STX12: variants seen among roughly 807,000 people sequenced by gnomAD.
The protein encoded by STX12 is syntaxin 12, also known as syntaxin-12.
STX12 carries 17 observed loss-of-function variants against 42.2 expected under a neutral mutation model. That is an observed-to-expected ratio of 0.40 (90% confidence interval 0.28 to 0.60). The LOEUF (loss-of-function observed/expected upper bound fraction) is 0.60. STX12 is among the 20% of genes least tolerant of loss of function. The probability of loss-of-function intolerance (pLI) is 0.39; values close to 1 mark genes in which losing one functional copy is unlikely to be tolerated. For missense variants in STX12, 297 were observed against 330.9 expected (o/e 0.90, Z 0.79); for synonymous variants, 108 against 116.7 (o/e 0.93, Z 0.48).
chr1:27,786,853 T>C (rs1015865372), intron 1 of STX12, among the ~76,000 whole-genome samples: 1 of 152,242 alleles, frequency 6.6e-6, no homozygotes, highest in Admixed American at 6.5e-5. Flanking sequence ...TTTTTATGGC[T>C]GTCCAGTTAA....
chr1:27,774,190 A>C (rs1320321428), intron 1 of STX12: 2 of 152,232 alleles, frequency 1.3e-5, no homozygotes, highest in Non-Finnish European at 2.9e-5. Context: ...AGCCACAACC[A>C]CATAGCAAGT....
At chr1:27,819,947 T>C (rs1262550859) in intron 8 of STX12, 5 of 472,840 alleles carry the variant, frequency 1.1e-5, no homozygotes, top group Non-Finnish European at 2.0e-5. Flanking sequence ...AGAAGGCTAG[T>C]AACTGCAAAG....
intron 1 of STX12, 112 bp from the exon 2 acceptor site, chr1:27,789,450 G>T: frequency 1.5e-6 from 1 of 680,288 alleles, no homozygotes; most frequent in South Asian, 1.9e-5. Context: ...TCTATTAGTT[G>T]CATGTATTAA....
intron 3 of STX12, among the ~76,000 whole-genome samples, chr1:27,795,344 C>CTGGA (rs1244810271): frequency 6.6e-6 from 1 of 151,216 alleles, no homozygotes; most frequent in Admixed American, 6.6e-5. Context: ...CTTGCTCTGT[C>CTGGA]GCCCAGGCTG....
rs927726650 is a variant in STX12 at position 27,810,399 on chromosome 1, C to T, written c.470+110C>T. The T allele has an allele frequency of 6.3e-6, 6 of 954,446 alleles. No homozygotes were observed. In the African/African-American group the frequency reaches 6.6e-5, roughly 10 times the overall value. The allele number at this position is 954,446 out of a possible 1,614,324, so 59.1% of individuals were successfully genotyped here. On this transcript the variant is annotated intron_variant, in intron 5 of 8. Coordinates refer to ENST00000373943, the MANE Select transcript of STX12 (RefSeq NM_177424.3). ...AATAGAGGGCAAAAATAAGGGGGCA[C>T]CTGGAGTGGATAACATAATCCACAG...
At chr1:27,811,449 T>G (rs960509052) in intron 5 of STX12, among the ~76,000 whole-genome samples, 15 of 151,820 alleles carry the variant, frequency 9.9e-5, no homozygotes, top group Non-Finnish European at 2.2e-4. Flanking sequence ...CTAAAAAGAA[T>G]TTTTTAAAAA....
rs568805494 is a variant in STX12, at chr1:27,801,398, C to T, written c.289-280C>T. 3.3e-4 allele frequency among the ~76,000 whole-genome samples: 49 copies of T among 150,252 alleles called. No homozygotes were observed. In the South Asian group the frequency reaches 8.4e-3, roughly 26 times the overall value. On this transcript the variant is annotated intron_variant, in intron 3 of 8. Coordinates refer to ENST00000373943, the MANE Select transcript of STX12 (RefSeq NM_177424.3). ...CAGCCTGGGCGACAGAGCAAGACTC[C>T]GTCTCAATAAAAAGAAAAAAAAAAA... is the stretch of plus-strand genomic sequence containing the variant.
intron 4 of STX12, among the ~76,000 whole-genome samples, chr1:27,808,514 G>A (rs1363364787): frequency 6.6e-6 from 1 of 151,712 alleles, no homozygotes; most frequent in African/African-American, 2.4e-5. Context: ...GCTAATTTTT[G>A]TATTTTAGTA....
chr1:27,795,306 C>CTT (rs971574690), intron 3 of STX12, among the ~76,000 whole-genome samples: 1 of 142,782 alleles, frequency 7.0e-6, no homozygotes. Context: ...ATGTCAAATT[C>CTT]TTTTTTTTTT....
chr1:27,805,069 A>G (rs569671814), intron 4 of STX12, among the ~76,000 whole-genome samples: 31 of 152,212 alleles, frequency 2.0e-4, no homozygotes, highest in Admixed American at 8.5e-4. Context: ...CACGAGAACA[A>G]CAAGGGGAAA....
rs1343131134 is a variant in STX12 at position 27,822,869 on chromosome 1, T to C, written c.*540T>C. 6.5e-6 allele frequency: 1 copy of C among 152,854 alleles called. No individual in the cohort carries two copies. Among genetic ancestry groups the C allele is most frequent in the Non-Finnish European group, 1.5e-5 (1 of 68,492 alleles). 9.5% of individuals were successfully genotyped at this position (152,854 alleles called of 1,614,324 possible). Reference sequence around the variant, plus strand: ...TATATTTAATTGGAAGGTAAAATATTGTACATGTGATCCAGAGTAAATGAG... The same window carrying C: ...TATATTTAATTGGAAGGTAAAATATCGTACATGTGATCCAGAGTAAATGAG... On this transcript the variant is annotated 3_prime_UTR_variant, in exon 9 of 9. Transcript: ENST00000373943.
At chr1:27,778,699 GAA>G (rs374294160) in intron 1 of STX12, among the ~76,000 whole-genome samples, 18 of 119,728 alleles carry the variant, frequency 1.5e-4, no homozygotes, top group Admixed American at 1.7e-4. Flanking sequence ...TCCATCTCAG[GAA>G]AAAAAAAAAA....
chr1:27,820,810 G>C (rs1271716758), intron 8 of STX12, among the ~76,000 whole-genome samples: 3 of 152,072 alleles, frequency 2.0e-5, no homozygotes, highest in Non-Finnish European at 4.4e-5. Context: ...TTAAGAAAAT[G>C]TGGCACATAT....
chr1:27,822,301 T>G lies in STX12; in HGVS notation c.803T>G (p.Ile268Ser). ...GTGATTATTCTAATCTTGGGACTTA[T>G]TATCTGGCTAGTTTATAAAACGAAG... is the stretch of plus-strand genomic sequence containing the variant. ...LSVIILILGL[I>S]IWLVYKTK is the part of the protein sequence containing the mutation. The change falls in exon 9 of 9, where the codon ATT becomes AGT. Residue 268 changes from isoleucine to serine, a missense_variant. Transcript: ENST00000373943. 1 of 1,613,038 alleles carries G rather than the reference T, an allele frequency of 6.2e-7. No homozygotes were observed.
At chr1:27,778,747 T>C (rs1177856574) in intron 1 of STX12, among the ~76,000 whole-genome samples, 2 of 152,078 alleles carry the variant, frequency 1.3e-5, no homozygotes, top group African/African-American at 4.8e-5. Context: ...TGTTGCTAAT[T>C]GATGTGATCT....
chr1:27,812,053 G>A (rs1315101520), intron 5 of STX12, 110 bp from the exon 6 acceptor site: 1 of 860,026 alleles, frequency 1.2e-6, no homozygotes, highest in Non-Finnish European at 1.9e-6. Context: ...CAGAGGACTG[G>A]AGCCCTGGTA....
At chr1:27,803,212 C>T (rs1296496279) in intron 4 of STX12, among the ~76,000 whole-genome samples, 1 of 152,136 alleles carries the variant, frequency 6.6e-6, no homozygotes, top group Non-Finnish European at 1.5e-5. Context: ...CACTAGCCTG[C>T]AGTTTCAAGA....
intron 1 of STX12, among the ~76,000 whole-genome samples, chr1:27,780,821 A>G (rs2088663175): frequency 6.6e-6 from 1 of 151,628 alleles, no homozygotes; most frequent in Non-Finnish European, 1.5e-5. Flanking sequence ...GTGTGGTGGC[A>G]CACACCTGTA....
At chr1:27,815,402 G>C (rs1409978354) in intron 6 of STX12, among the ~76,000 whole-genome samples, 1 of 152,086 alleles carries the variant, frequency 6.6e-6, no homozygotes, top group Non-Finnish European at 1.5e-5. Context: ...CTATGTTATG[G>C]CAAAGCTAGG....
Sources: gnomAD v4.1 joint callset for allele counts (sites outside exome capture counted in the v4.1 genomes callset) on GRCh38, gnomAD v4.1.1 for gene constraint, MANE v1.5 for transcripts, NCBI Gene and HGNC (gene_info 2026-07-23, HGNC 2026-07-21) for gene names.